The following DENR variants were observed in gnomAD, a reference collection of about 807,000 sequenced individuals.
DENR encodes density regulated re-initiation and release factor.
DENR carries 6 observed loss-of-function variants against 30.6 expected under a neutral mutation model. That is an observed-to-expected ratio of 0.20 (90% CI 0.11 to 0.39). The LOEUF (loss-of-function observed/expected upper bound fraction) is 0.39. DENR is among the 10% of genes least tolerant of loss of function. The pLI, the probability that DENR is intolerant of heterozygous loss-of-function variation, is 1.00. For missense variants in DENR, 141 were observed against 230.9 expected, an observed-to-expected ratio of 0.61 and a Z score of 2.52; for synonymous variants, 78 against 72.1, an observed-to-expected ratio of 1.08 and a Z score of -0.41.
Position 122,756,094 on chromosome 12 carries a change from G to A in DENR, c.106+2287G>A, listed in dbSNP as rs534431749. Reference sequence around the variant, plus strand: ...AAGTTCTGTGGAGGCATATAAATTGGCAGAGGCCCTGTCTGTCTACATATA... The same window carrying A: ...AAGTTCTGTGGAGGCATATAAATTGACAGAGGCCCTGTCTGTCTACATATA... On this transcript the variant is annotated intron_variant, in intron 2 of 7. Coordinates refer to ENST00000280557, the MANE Select transcript of DENR (RefSeq NM_003677.5). Among the ~76,000 whole-genome samples the A allele has an allele frequency of 2.0e-5, 3 of 152,292 alleles. No individual in the cohort carries two copies. The South Asian group carries it at 6.2e-4, about 32-fold the overall frequency.
rs1033712291 is a variant in DENR at position 122,752,872 on chromosome 12, G to C, written c.-88G>C. ...GTCGGGCGCTCGGGCGGCCCTGGCC[G>C]GGGAGACGAGTTGCATGTGTTGGTT... On this transcript the variant is annotated 5_prime_UTR_variant, in exon 1 of 8. Transcript: ENST00000280557. 2 of 152,540 alleles carry C rather than the reference G, an allele frequency of 1.3e-5. No homozygotes were observed. The highest frequency in any genetic ancestry group is 2.9e-5 in the Non-Finnish European group (2 of 68,282). The allele number at this position is 152,540 out of a possible 1,614,324, so 9.4% of individuals were successfully genotyped here.
intron 2 of DENR, 84 bp from the exon 3 acceptor site, chr12:122,762,103 A>G: frequency 1.1e-6 from 1 of 907,948 alleles, no homozygotes; most frequent in Non-Finnish European, 1.6e-6. Flanking sequence ...GCATTTTCTC[A>G]AATATAAAAG....
Position 122,753,775 on chromosome 12 carries a change from C to T in DENR, c.74C>T (p.Ala25Val), listed in dbSNP as rs1220890179. 9 of 1,613,824 alleles carry T rather than the reference C, an allele frequency of 5.6e-6. No homozygotes were observed. The highest frequency in any genetic ancestry group is 7.6e-6 in the Non-Finnish European group (9 of 1,179,860). ...CCAAGGAACAGTGCCAAGTTAGATG[C>T]CGATTACCCACTTCGAGTCCTTTAT... Reference protein sequence around the residue: ...GDPRNSAKLDADYPLRVLYCG... With the variant: ...GDPRNSAKLDVDYPLRVLYCG... The change falls in exon 2 of 8, where the codon GCC (alanine) becomes GTC (valine). Residue 25 changes from alanine to valine, a missense_variant. Around this residue, in one of 2 missense-constraint regions of DENR, gnomAD observed 104 missense variants for 138.3 expected, o/e 0.75. Transcript: ENST00000280557.
At chr12:122,761,663 T>C (rs1429166379) in intron 2 of DENR, among the ~76,000 whole-genome samples, 1 of 151,980 alleles carries the variant, frequency 6.6e-6, no homozygotes, top group Non-Finnish European at 1.5e-5. Flanking sequence ...CTACAAAAAA[T>C]TAGCTGGGCA....
Position 122,770,676 on chromosome 12 carries a change from C to A in DENR, c.*1598C>A, listed in dbSNP as rs1386474113. 1 of 398,356 alleles carries A rather than the reference C, an allele frequency of 2.5e-6. No homozygotes were observed. The highest frequency in any genetic ancestry group is 4.4e-5 in the Admixed American group (1 of 22,702). 24.7% of individuals were successfully genotyped at this position (398,356 alleles called of 1,614,324 possible). A position where few individuals can be genotyped will look rare whatever the true frequency, so the allele number is the denominator to read the frequency against. On this transcript the variant is annotated 3_prime_UTR_variant, in exon 8 of 8. Coordinates refer to ENST00000280557, the MANE Select transcript of DENR (RefSeq NM_003677.5). ...AGAAGACTTGTGGTGTTTTAAGTTG[C>A]TGTGGACACTTTTAAGAAACTTAGA...
chr12:122,762,132 A>T (rs556885277), intron 2 of DENR, 55 bp from the exon 3 acceptor site: 1 of 1,165,846 alleles, frequency 8.6e-7, no homozygotes, highest in African/African-American at 1.6e-5. Flanking sequence ...AGCCCTGTGT[A>T]TGTGTGTACA....
At chr12:122,761,599 C>G (rs1465569679) in intron 2 of DENR, among the ~76,000 whole-genome samples, 1 of 152,124 alleles carries the variant, frequency 6.6e-6, no homozygotes, top group East Asian at 1.9e-4. Context: ...ATAGGTAGAT[C>G]GCTTAAGCCC....
At chr12:122,765,465 C>T in intron 5 of DENR, 78 bp downstream of exon 5, 1 of 1,338,026 alleles carries the variant, frequency 7.5e-7, no homozygotes. Context: ...TAAAATGGTT[C>T]CCAAAGCTAG....
intron 6 of DENR, among the ~76,000 whole-genome samples, chr12:122,767,815 C>T (rs1878886947): frequency 6.6e-6 from 1 of 152,180 alleles, no homozygotes; most frequent in Non-Finnish European, 1.5e-5. Context: ...TTTTTACTTT[C>T]TGGAATTCCT....
At position 122,770,950 on chromosome 12, in the gene DENR, C is replaced by A. The variant is rs1879021798; in HGVS notation, c.*1872C>A. On this transcript the variant is annotated 3_prime_UTR_variant, in exon 8 of 8. Transcript: ENST00000280557. ...GTGTGCCTGTATCAACATGTGACTT[C>A]ATGTAAAGTTTCTTTGTGTTCACAG... 2.6e-6 allele frequency: 1 copy of A among 386,316 alleles called. No homozygotes were observed. Among genetic ancestry groups the A allele is most frequent in the South Asian group, 1.5e-4 (1 of 6,868 alleles). The allele number at this position is 386,316 out of a possible 1,614,324, so 23.9% of individuals were successfully genotyped here.
intron 2 of DENR, among the ~76,000 whole-genome samples, chr12:122,757,536 T>C (rs906060317): frequency 1.3e-5 from 2 of 152,202 alleles, no homozygotes; most frequent in African/African-American, 4.8e-5. Flanking sequence ...AATTGAAATA[T>C]TACAGTTTTA....
Position 122,770,659 on chromosome 12 carries a change from TGTG to T in DENR, c.*1585_*1587del, listed in dbSNP as rs1454524048. 5.0e-6 allele frequency: 2 copies of T among 398,536 alleles called. No homozygotes were observed. The highest frequency in any genetic ancestry group is 2.1e-5 in the African/African-American group (1 of 48,752). The allele number at this position is 398,536 out of a possible 1,614,324, so 24.7% of individuals were successfully genotyped here. On this transcript the variant is annotated 3_prime_UTR_variant, in exon 8 of 8. Coordinates refer to ENST00000280557, the MANE Select transcript of DENR (RefSeq NM_003677.5). ...GGTGCTGCAAATTGGAAAGAAGACTTGTGGTGTTTTAAGTTGCTGTGGACACTT... is the reference window on the plus strand; with the variant it reads ...GGTGCTGCAAATTGGAAAGAAGACTTGTGTTTTAAGTTGCTGTGGACACTT...
chr12:122,761,423 A>G (rs1245881897), intron 2 of DENR, among the ~76,000 whole-genome samples: 3 of 152,180 alleles, frequency 2.0e-5, no homozygotes, highest in Non-Finnish European at 4.4e-5. Flanking sequence ...GAAAAAAAAA[A>G]AGGAAAAATA....
At chr12:122,768,979 A>G in intron 7 of DENR, 55 bp from the exon 8 acceptor site, 2 of 1,607,060 alleles carry the variant, frequency 1.2e-6, no homozygotes, top group Non-Finnish European at 1.7e-6. Flanking sequence ...AATTGCTTCC[A>G]TTTTTTCTTA....
chr12:122,766,210 C>G (rs1190555192), intron 5 of DENR, among the ~76,000 whole-genome samples: 1 of 152,036 alleles, frequency 6.6e-6, no homozygotes, highest in Non-Finnish European at 1.5e-5. Context: ...ACTTCCTGGC[C>G]ACTGCAGCTC....
rs1484482825 is a variant in DENR, at chr12:122,769,212, A to G, written c.*134A>G. The G allele has an allele frequency of 2.0e-5, 18 of 888,430 alleles. No individual in the cohort carries two copies. The highest frequency in any genetic ancestry group is 8.8e-4 in the Middle Eastern group (2 of 2,268). 55.0% of individuals were successfully genotyped at this position (888,430 alleles called of 1,614,324 possible). ...CACATATATGTATGTATACACATAT[A>G]CACATGTATATATACATGTGTGTAT... On this transcript the variant is annotated 3_prime_UTR_variant, in exon 8 of 8. Coordinates refer to ENST00000280557, the MANE Select transcript of DENR (RefSeq NM_003677.5).
rs1879005496 is a variant in DENR at position 122,770,478 on chromosome 12, G to A, written c.*1400G>A. ...AGAGAGGCTAGAGGTTCTTATTCTGGCTATAAATTATGTGAGTAAAATTGT... is the reference window on the plus strand; with the variant it reads ...AGAGAGGCTAGAGGTTCTTATTCTGACTATAAATTATGTGAGTAAAATTGT... On this transcript the variant is annotated 3_prime_UTR_variant, in exon 8 of 8. Transcript: ENST00000280557. 1 of 396,528 alleles carries A rather than the reference G, an allele frequency of 2.5e-6. No individual in the cohort carries two copies. The allele number at this position is 396,528 out of a possible 1,614,324, so 24.6% of individuals were successfully genotyped here. A position where few individuals can be genotyped will look rare whatever the true frequency, so the allele number is the denominator to read the frequency against.
chr12:122,761,867 T>A (rs1878709894), intron 2 of DENR, among the ~76,000 whole-genome samples: 1 of 152,204 alleles, frequency 6.6e-6, no homozygotes, highest in South Asian at 2.1e-4. Context: ...GGGAAATTGT[T>A]CGTGTCTTAG....
Position 122,769,102 on chromosome 12 carries a change from A to G in DENR, c.*24A>G, listed in dbSNP as rs1165433419. The G allele has an allele frequency of 2.5e-6, 4 of 1,604,956 alleles. No individual in the cohort carries two copies. Among genetic ancestry groups the G allele is most frequent in the Non-Finnish European group, 8.5e-7 (1 of 1,176,758 alleles). Reference sequence around the variant, plus strand: ...GAATTTGAAAATTTGTCTGTATTTAATGGCCTGAACTGAGAGTTGATATGG... The same window carrying G: ...GAATTTGAAAATTTGTCTGTATTTAGTGGCCTGAACTGAGAGTTGATATGG... On this transcript the variant is annotated 3_prime_UTR_variant, in exon 8 of 8. Transcript: ENST00000280557.
Sources: gnomAD v4.1 joint callset for allele counts (sites outside exome capture counted in the v4.1 genomes callset) on GRCh38, gnomAD v4.1.1 for gene constraint, gnomAD v4.1.1 regional missense constraint, MANE v1.5 for transcripts, NCBI Gene and HGNC (gene_info 2026-07-23, HGNC 2026-07-21) for gene names.